The following HMGN2 variants were observed in gnomAD, a reference collection of about 807,000 sequenced individuals.
HMGN2 encodes high mobility group nucleosomal binding domain 2, also known as non-histone chromosomal protein HMG-17.
In HMGN2, 2 loss-of-function variants were observed where a neutral mutation model predicts 16.9. The observed-to-expected ratio is 0.12, with a 90% CI of 0.05 to 0.37. The LOEUF is 0.37. HMGN2 is among the 10% of genes least tolerant of loss of function. The pLI is 1.00. For synonymous variants in HMGN2, 31 were observed against 34.9 expected (o/e 0.89, Z 0.39); for missense variants, 90 against 106.0 (o/e 0.85, Z 0.66).
rs926918448 is a variant in HMGN2, at chr1:26,475,558, C to T, written c.*410C>T. 26 of 305,422 alleles carry T rather than the reference C, an allele frequency of 8.5e-5. No homozygotes were observed. Among genetic ancestry groups the T allele is most frequent in the African/African-American group, 5.8e-4 (26 of 44,714 alleles). 18.9% of individuals were successfully genotyped at this position (305,422 alleles called of 1,614,324 possible). A position where few individuals can be genotyped will look rare whatever the true frequency, so the allele number is the denominator to read the frequency against. The stretch of plus-strand genomic sequence containing the variant: ...CCTTAAGCCCAGACATCTGTTGAGA[C>T]CTGACCCCTAGTCATTGGTTACCAG... On this transcript the variant is annotated 3_prime_UTR_variant, in exon 6 of 6. Coordinates refer to ENST00000361427, the MANE Select transcript of HMGN2 (RefSeq NM_005517.4).
chr1:26,472,994 G>T (rs1323810621), intron 1 of HMGN2, among the ~76,000 whole-genome samples: 1 of 151,058 alleles, frequency 6.6e-6, no homozygotes, highest in Non-Finnish European at 1.5e-5. Context: ...GGCGCTCGGG[G>T]TTGGCGGGCG....
Position 26,475,097 on chromosome 1 carries a change from GTC to G in HMGN2, c.238-14_238-13del. 1 of 1,606,192 alleles carries G rather than the reference GTC, an allele frequency of 6.2e-7. No individual in the cohort carries two copies. The highest frequency in any genetic ancestry group is 1.3e-5 in the African/African-American group (1 of 74,692). On this transcript the variant is annotated splice_polypyrimidine_tract_variant and intron_variant, in intron 5 of 5. Transcript: ENST00000361427. ...TGAAATCTACGCATTGCATTAATTTGTCTGTTTTCTTTTAGGCACAGAAAGCT... is the reference window on the plus strand; with the variant it reads ...TGAAATCTACGCATTGCATTAATTTGTGTTTTCTTTTAGGCACAGAAAGCT...
At chr1:26,472,898 C>A (rs1393724058) in intron 1 of HMGN2, among the ~76,000 whole-genome samples, 3 of 151,878 alleles carry the variant, frequency 2.0e-5, no homozygotes, top group African/African-American at 4.8e-5. Context: ...TCGCCGCCCC[C>A]GCCCCGTGCC....
intron 1 of HMGN2, 151 bp downstream of exon 1, chr1:26,472,778 C>T (rs2075579626): frequency 4.4e-6 from 3 of 688,772 alleles, no homozygotes; most frequent in African/African-American, 3.9e-5. Context: ...CAGCTCGGGG[C>T]TAACCCTGAG....
intron 5 of HMGN2, chr1:26,474,907 G>A: frequency 1.6e-6 from 1 of 609,540 alleles, no homozygotes; most frequent in Non-Finnish European, 2.9e-6. Context: ...TTATTCTGGT[G>A]TTCTTCCTAC....
chr1:26,473,030 C>T (rs1229217177), intron 1 of HMGN2, among the ~76,000 whole-genome samples: 3 of 24,756 alleles, frequency 1.2e-4, no homozygotes, highest in Non-Finnish European at 2.3e-4. Flanking sequence ...GCCAAAAAAC[C>T]GCCGCCGTGA....
intron 4 of HMGN2, 82 bp downstream of exon 4, chr1:26,474,217 C>T (rs1466486614): frequency 1.4e-5 from 14 of 1,006,358 alleles, no homozygotes; most frequent in Non-Finnish European, 1.6e-5. Flanking sequence ...ATAATGGTGC[C>T]TCCATTAATG....
intron 1 of HMGN2, 114 bp from the exon 2 acceptor site, chr1:26,473,369 C>T (rs911685254): frequency 8.7e-5 from 66 of 757,792 alleles, no homozygotes; most frequent in Non-Finnish European, 6.6e-5. Context: ...TCATTTATGT[C>T]CTAGAAAAGT....
intron 5 of HMGN2, chr1:26,474,894 C>G: frequency 1.6e-6 from 1 of 608,976 alleles, no homozygotes; most frequent in Non-Finnish European, 2.9e-6. Context: ...AACCTCAGGT[C>G]TCTTATTCTG....
chr1:26,473,068 G>C, intron 1 of HMGN2: 1 of 238,786 alleles, frequency 4.2e-6, no homozygotes, highest in East Asian at 1.3e-4. Context: ...GTATGGCCCC[G>C]CCCCCTCGCC....
intron 2 of HMGN2, 34 bp downstream of exon 2, chr1:26,473,561 G>A (rs754028758): frequency 2.5e-6 from 4 of 1,593,662 alleles, no homozygotes; most frequent in East Asian, 2.2e-5. Context: ...TCAAAGCCTT[G>A]GACTAGCAGA....
rs951454960 is a variant in HMGN2, at chr1:26,473,240, C to CG, written c.16-242dup. 25 of 538,418 alleles carry CG rather than the reference C, an allele frequency of 4.6e-5. No individual in the cohort carries two copies. In the Admixed American group the frequency reaches 6.9e-4, roughly 15 times the overall value. 33.4% of individuals were successfully genotyped at this position (538,418 alleles called of 1,614,324 possible). A position where few individuals can be genotyped will look rare whatever the true frequency, so the allele number is the denominator to read the frequency against. On this transcript the variant is annotated intron_variant, in intron 1 of 5. Transcript: ENST00000361427. ...ATCTGCAGCTGTTGCTCCTGCCTGTCGCGGTGGTGCGGGCTCCGCTGCCCT... is the reference window on the plus strand; with the variant it reads ...ATCTGCAGCTGTTGCTCCTGCCTGTCGGCGGTGGTGCGGGCTCCGCTGCCCT...
At chr1:26,474,413 C>T (rs920006555) in intron 4 of HMGN2, among the ~76,000 whole-genome samples, 159 bp from the exon 5 acceptor site, 3 of 152,184 alleles carry the variant, frequency 2.0e-5, no homozygotes, top group African/African-American at 7.2e-5. Flanking sequence ...TAGCAAATTA[C>T]AGATAATTTA....
At chr1:26,473,798 CT>C in intron 3 of HMGN2, 66 bp downstream of exon 3, 1 of 1,477,668 alleles carries the variant, frequency 6.8e-7, no homozygotes, top group Non-Finnish European at 9.5e-7. Context: ...AAACAATTCC[CT>C]TTGCTTCCAT....
chr1:26,472,607 G>GCCA lies in HMGN2; in HGVS notation c.-2_1dup, dbSNP rs1192015206. On this transcript the variant is annotated 5_prime_UTR_variant, in exon 1 of 6. Coordinates refer to ENST00000361427, the MANE Select transcript of HMGN2 (RefSeq NM_005517.4). ...CCTACGTCCCGCTGCCGTCGCCGCCGCCACCATGCCCAAGAGAAAGGTACG... is the reference window on the plus strand; with the variant it reads ...CCTACGTCCCGCTGCCGTCGCCGCCGCCACCACCATGCCCAAGAGAAAGGTACG... The GCCA allele has an allele frequency of 2.6e-6, 4 of 1,534,422 alleles. No individual in the cohort carries two copies. The highest frequency in any genetic ancestry group is 1.4e-5 in the African/African-American group (1 of 72,768).
At chr1:26,472,672 A>ACCGCCGCCG in intron 1 of HMGN2, 45 bp downstream of exon 1, 1 of 1,474,592 alleles carries the variant, frequency 6.8e-7, no homozygotes, top group East Asian at 2.5e-5. Context: ...CACTGCCGCC[A>ACCGCCGCCG]CCGCCGCCGC....
In HMGN2 at chr1:26,475,203, C is replaced by G. The variant is rs2075599895; in HGVS notation, c.*55C>G. The G allele has an allele frequency of 4.6e-6, 5 of 1,083,504 alleles. No individual in the cohort carries two copies. The South Asian group carries it at 7.2e-5, about 16-fold the overall frequency. The allele number at this position is 1,083,504 out of a possible 1,614,324, so 67.1% of individuals were successfully genotyped here. ...TCTGGTGACTGTACAGTTTGAAATACTATTTTTTATCAAGTTTTATAAAAA... is the reference window on the plus strand; with the variant it reads ...TCTGGTGACTGTACAGTTTGAAATAGTATTTTTTATCAAGTTTTATAAAAA... On this transcript the variant is annotated 3_prime_UTR_variant, in exon 6 of 6. Transcript: ENST00000361427.
Position 26,475,698 on chromosome 1 carries a change from A to C in HMGN2, c.*550A>C, listed in dbSNP as rs2075603349. 1.6e-5 allele frequency: 5 copies of C among 311,094 alleles called. No individual in the cohort carries two copies. Among genetic ancestry groups the C allele is most frequent in the South Asian group, 1.2e-4 (5 of 40,744 alleles). 19.3% of individuals were successfully genotyped at this position (311,094 alleles called of 1,614,324 possible). On this transcript the variant is annotated 3_prime_UTR_variant, in exon 6 of 6. Coordinates refer to ENST00000361427, the MANE Select transcript of HMGN2 (RefSeq NM_005517.4). ...AGATAAATTCTGCCATTTTCATTTCACTTCCTGAAAGTCAGGGTCGGCTTG... is the reference window on the plus strand; with the variant it reads ...AGATAAATTCTGCCATTTTCATTTCCCTTCCTGAAAGTCAGGGTCGGCTTG...
At chr1:26,474,520 C>T (rs986775283) in intron 4 of HMGN2, 52 bp from the exon 5 acceptor site, 4 of 854,844 alleles carry the variant, frequency 4.7e-6, no homozygotes, top group Middle Eastern at 3.0e-4. Flanking sequence ...GCAGACCATA[C>T]CTTGGTAATA....
Sources: gnomAD v4.1 joint callset for allele counts (sites outside exome capture counted in the v4.1 genomes callset) on GRCh38, gnomAD v4.1.1 for gene constraint, MANE v1.5 for transcripts, NCBI Gene and HGNC (gene_info 2026-07-23, HGNC 2026-07-21) for gene names.